SCARA5: variants seen among roughly 807,000 people sequenced by gnomAD.
The protein encoded by SCARA5 is scavenger receptor class A member 5, also known as scavenger receptor class A, member 5 (putative).
Under a neutral mutation model 46.3 loss-of-function variants are expected in SCARA5, and 45 were observed. The ratio of observed to expected loss-of-function variants is 0.97; its 90% CI spans 0.76 to 1.24. The LOEUF (loss-of-function observed/expected upper bound fraction) is 1.24. Among genes scored for constraint, SCARA5 ranks in the 50% most tolerant of loss-of-function variants. The pLI is 0.00. For synonymous variants in SCARA5, 333 were observed against 306.5 expected (o/e 1.09, Z -0.90); for missense variants, 680 against 689.0 (o/e 0.99, Z 0.15).
At chr8:27,936,195 C>CCCAAGCGGG in intron 3 of SCARA5, among the ~76,000 whole-genome samples, 1 of 152,246 alleles carries the variant, frequency 6.6e-6, no homozygotes. Flanking sequence ...CATCTGGAGA[C>CCCAAGCGGG]TCATCCGCTG....
At chr8:27,944,199 G>A (rs1349739789) in intron 3 of SCARA5, among the ~76,000 whole-genome samples, 1 of 152,204 alleles carries the variant, frequency 6.6e-6, no homozygotes, top group Non-Finnish European at 1.5e-5. Context: ...TGTATATTCT[G>A]GATTGGATCC....
intron 7 of SCARA5, among the ~76,000 whole-genome samples, chr8:27,899,734 G>A (rs978289893): frequency 2.0e-5 from 3 of 152,308 alleles, no homozygotes; most frequent in South Asian, 2.1e-4. Flanking sequence ...CCCTTGCCAT[G>A]CTGTACTATT....
rs377652097 is a variant in SCARA5, at chr8:27,872,090, C to T, written c.1352-20G>A. The T allele has an allele frequency of 1.2e-6, 2 of 1,613,852 alleles. No individual in the cohort carries two copies. Among genetic ancestry groups the T allele is most frequent in the Non-Finnish European group, 1.7e-6 (2 of 1,179,880 alleles). ...CAGTGCCTGTGGAGACAGGGAAACACAGCTATAAGCGGATACACAGGAGGG... is the reference window on the plus strand; with the variant it reads ...CAGTGCCTGTGGAGACAGGGAAACATAGCTATAAGCGGATACACAGGAGGG... On this transcript the variant is annotated intron_variant, in intron 8 of 8. Coordinates refer to ENST00000354914, the MANE Select transcript of SCARA5 (RefSeq NM_173833.6).
At chr8:27,976,942 G>A (rs1335467450) in intron 2 of SCARA5, among the ~76,000 whole-genome samples, 1 of 152,188 alleles carries the variant, frequency 6.6e-6, no homozygotes, top group Non-Finnish European at 1.5e-5. Flanking sequence ...CCTCAGTCCT[G>A]GCTTAGCCAG....
At chr8:27,890,654 C>T (rs569282322) in intron 7 of SCARA5, among the ~76,000 whole-genome samples, 74 of 152,272 alleles carry the variant, frequency 4.9e-4, no homozygotes, top group Non-Finnish European at 8.5e-4. Flanking sequence ...GGGTGCTGTT[C>T]TCACCCACAG....
At chr8:27,976,472 G>A (rs147930880) in intron 2 of SCARA5, among the ~76,000 whole-genome samples, 10 of 152,286 alleles carry the variant, frequency 6.6e-5, no homozygotes, top group African/African-American at 2.2e-4. Context: ...ATGTCTGCAA[G>A]TTGGAAGCCA....
intron 2 of SCARA5, among the ~76,000 whole-genome samples, chr8:27,971,686 AAGAGGTCTAG>A (rs1195090213): frequency 6.6e-6 from 1 of 152,186 alleles, no homozygotes; most frequent in Non-Finnish European, 1.5e-5. Flanking sequence ...TCAGGAAGCC[AAGAGGTCTAG>A]AGAGGGCAAG....
At chr8:27,972,324 CAAAACAAAACAAAACAA>C (rs1437444562) in intron 2 of SCARA5, among the ~76,000 whole-genome samples, 1 of 101,990 alleles carries the variant, frequency 9.8e-6, no homozygotes, top group Non-Finnish European at 2.1e-5. Context: ...CTCAAAAAAA[CAAAACAAAACAAAACAA>C]AAAACAAAAC....
intron 7 of SCARA5, among the ~76,000 whole-genome samples, chr8:27,891,775 C>T (rs1806987787): frequency 6.6e-6 from 1 of 152,212 alleles, no homozygotes; most frequent in African/African-American, 2.4e-5. Context: ...CCCACTCTTC[C>T]CTCTCCCTAA....
chr8:27,902,219 G>A (rs1302566415), intron 7 of SCARA5, among the ~76,000 whole-genome samples: 4 of 152,146 alleles, frequency 2.6e-5, no homozygotes, highest in African/African-American at 9.7e-5. Flanking sequence ...AGGCAGGAAA[G>A]AAAGCCTCAG....
intron 4 of SCARA5, among the ~76,000 whole-genome samples, chr8:27,916,724 C>T (rs1244594725): frequency 6.6e-6 from 1 of 152,130 alleles, no homozygotes; most frequent in African/African-American, 2.4e-5. Flanking sequence ...AGGCACCTGG[C>T]AACAGAGACA....
At position 27,937,683 on chromosome 8, in the gene SCARA5, G is replaced by A. The variant is rs147870596; in HGVS notation, c.242-15438C>T. Among the ~76,000 whole-genome samples the A allele has an allele frequency of 5.3e-5, 8 of 152,256 alleles. No individual in the cohort carries two copies. The East Asian group carries it at 1.5e-3, about 29-fold the overall frequency. On this transcript the variant is annotated intron_variant, in intron 3 of 8. Coordinates refer to ENST00000354914, the MANE Select transcript of SCARA5 (RefSeq NM_173833.6). ...AGACTTTTATGTTCTCACAGTTCTG[G>A]AGGCTGGCAGTCTGAGCTCCAGGGG...
At chr8:27,989,861 G>A (rs1188806231) in intron 1 of SCARA5, among the ~76,000 whole-genome samples, 2 of 152,222 alleles carry the variant, frequency 1.3e-5, no homozygotes, top group Admixed American at 1.3e-4. Flanking sequence ...AGTTGCAAGG[G>A]ACCCTCCCTC....
chr8:27,889,473 C>T (rs1296357820), intron 7 of SCARA5, among the ~76,000 whole-genome samples: 5 of 152,110 alleles, frequency 3.3e-5, no homozygotes, highest in African/African-American at 1.2e-4. Context: ...GTGCCTTACC[C>T]AAGTCATCCC....
intron 7 of SCARA5, among the ~76,000 whole-genome samples, chr8:27,887,187 G>A (rs1224200427): frequency 6.6e-6 from 1 of 152,090 alleles, no homozygotes; most frequent in East Asian, 1.9e-4. Flanking sequence ...ATGACTGCGA[G>A]GCACCTTCAC....
intron 1 of SCARA5, among the ~76,000 whole-genome samples, chr8:27,989,948 C>G (rs907832802): frequency 6.6e-6 from 1 of 152,260 alleles, no homozygotes; most frequent in Non-Finnish European, 1.5e-5. Context: ...AGGCCAATGT[C>G]TCTTTTGCCT....
intron 8 of SCARA5, among the ~76,000 whole-genome samples, chr8:27,877,329 T>C (rs1806741501): frequency 6.6e-6 from 1 of 152,162 alleles, no homozygotes; most frequent in Non-Finnish European, 1.5e-5. Context: ...AGGGCATTCG[T>C]GAAAGCAAGT....
In SCARA5 at chr8:27,921,856, G is replaced by T. The variant is rs374361225; in HGVS notation, c.631C>A (p.Arg211Ser). 6 of 1,521,144 alleles carry T rather than the reference G, an allele frequency of 3.9e-6. No homozygotes were observed. In the Admixed American group the frequency reaches 8.4e-5, roughly 21 times the overall value. 94.2% of individuals were successfully genotyped at this position (1,521,144 alleles called of 1,614,324 possible). A position where few individuals can be genotyped will look rare whatever the true frequency, so the allele number is the denominator to read the frequency against. ...RHAGLLDGLA[R>S]RVGILGEELA... is the part of the protein sequence containing the mutation. ...TCCTCGCCCAGGATGCCCACCCTGC[G>T]CGCCAGCCCGTCCAGCAGGCCCGCG... is the stretch of plus-strand genomic sequence containing the variant. Residue 211 changes from arginine to serine, a missense_variant, in exon 4 of 9, where the codon CGC becomes AGC. This residue lies in a region of SCARA5 where 438 missense variants were observed against 384.5 expected (regional missense o/e 1.14). Coordinates refer to ENST00000354914, the MANE Select transcript of SCARA5 (RefSeq NM_173833.6).
chr8:27,990,360 G>C (rs1045894211), intron 1 of SCARA5, among the ~76,000 whole-genome samples: 4 of 152,122 alleles, frequency 2.6e-5, no homozygotes, highest in East Asian at 1.9e-4. Context: ...TTCTTTCTTG[G>C]GGGAGGAAGC....
Sources: allele counts gnomAD v4.1 joint callset (sites outside exome capture counted in the v4.1 genomes callset), GRCh38; gene constraint gnomAD v4.1.1; regional missense constraint gnomAD v4.1.1; transcripts MANE v1.5; gene names NCBI Gene and HGNC (gene_info 2026-07-23, HGNC 2026-07-21).